The following GTF2E2 variants were observed in gnomAD, a reference collection of about 807,000 sequenced individuals.
GTF2E2 encodes transcription initiation factor IIE subunit beta.
GTF2E2 carries 21 observed loss-of-function variants against 40.5 expected under a neutral mutation model. The observed-to-expected ratio is 0.52, with a 90% CI of 0.37 to 0.75. The LOEUF (loss-of-function observed/expected upper bound fraction) is 0.75, where lower values mean the gene tolerates loss of function less well. Among genes scored for constraint, GTF2E2 ranks in the 30% least tolerant of loss-of-function variants. The probability of loss-of-function intolerance (pLI) is 0.00; values close to 1 mark genes in which losing one functional copy is unlikely to be tolerated. For synonymous variants in GTF2E2, 117 were observed against 121.6 expected, an observed-to-expected ratio of 0.96 and a Z score of 0.25; for missense variants, 298 against 338.4, an observed-to-expected ratio of 0.88 and a Z score of 0.94.
chr8:30,590,697 T>A (rs935139896), intron 6 of GTF2E2, among the ~76,000 whole-genome samples: 1 of 151,598 alleles, frequency 6.6e-6, no homozygotes, highest in Non-Finnish European at 1.5e-5. Flanking sequence ...TCAAAAACTT[T>A]TTTTTTTTTT....
At chr8:30,591,666 G>A (rs1041480757) in intron 6 of GTF2E2, among the ~76,000 whole-genome samples, 1 of 152,128 alleles carries the variant, frequency 6.6e-6, no homozygotes, top group Non-Finnish European at 1.5e-5. Flanking sequence ...ACCTTCCTAA[G>A]TTGCTGGTGA....
chr8:30,634,968 C>T, intron 3 of GTF2E2, 64 bp downstream of exon 3: 1 of 849,104 alleles, frequency 1.2e-6, no homozygotes. Flanking sequence ...CTTCTGAAAA[C>T]CCTAATCTCC....
chr8:30,621,092 T>C (rs1437352557), intron 3 of GTF2E2, among the ~76,000 whole-genome samples: 1 of 152,068 alleles, frequency 6.6e-6, no homozygotes, highest in African/African-American at 2.4e-5. Context: ...TTTTTCCATA[T>C]TCTCCATTAT....
chr8:30,622,862 T>C (rs1250840570), intron 3 of GTF2E2, among the ~76,000 whole-genome samples: 1 of 152,220 alleles, frequency 6.6e-6, no homozygotes, highest in African/African-American at 2.4e-5. Flanking sequence ...TTATCTCTCT[T>C]ATTCCCTGAA....
intron 2 of GTF2E2, among the ~76,000 whole-genome samples, chr8:30,640,172 T>C (rs1450470936): frequency 6.6e-6 from 1 of 152,186 alleles, no homozygotes; most frequent in Non-Finnish European, 1.5e-5. Context: ...GTTCCAGAGC[T>C]TAAATTAAGT....
intron 5 of GTF2E2, among the ~76,000 whole-genome samples, chr8:30,609,011 A>G (rs1829403970): frequency 6.6e-6 from 1 of 152,068 alleles, no homozygotes; most frequent in Non-Finnish European, 1.5e-5. Flanking sequence ...GGCCTCCCAA[A>G]GTGCTGGGAT....
chr8:30,614,799 A>C (rs1318026154), intron 3 of GTF2E2, 84 bp from the exon 4 acceptor site: 1 of 734,678 alleles, frequency 1.4e-6, no homozygotes, highest in Admixed American at 2.4e-5. Flanking sequence ...ACAAACCTTC[A>C]GGAATGAAAA....
rs546641149 is a variant in GTF2E2 at position 30,619,251 on chromosome 8, T to C, written c.259-4536A>G. Among the ~76,000 whole-genome samples, 10 of 152,292 alleles carry C rather than the reference T, an allele frequency of 6.6e-5. No individual in the cohort carries two copies. In the South Asian group the frequency reaches 2.1e-3, roughly 32 times the overall value. On this transcript the variant is annotated intron_variant, in intron 3 of 7. Transcript: ENST00000355904. ...CACCGTGCCCAGTCTACTTCAATAG[T>C]TTTACAGTACTTTGAGTGCTGTTTT...
intron 3 of GTF2E2, among the ~76,000 whole-genome samples, chr8:30,618,653 CA>C (rs1207477341): frequency 6.6e-6 from 1 of 152,052 alleles, no homozygotes; most frequent in African/African-American, 2.4e-5. Context: ...TACAAAAAGG[CA>C]AAATGTTTCA....
intron 6 of GTF2E2, among the ~76,000 whole-genome samples, chr8:30,590,077 C>A (rs563884297): frequency 6.6e-6 from 1 of 152,144 alleles, no homozygotes; most frequent in African/African-American, 2.4e-5. Context: ...GTTCCACAAC[C>A]GCAAATCACC....
At chr8:30,654,801 G>C (rs949154390) in intron 1 of GTF2E2, among the ~76,000 whole-genome samples, 2 of 152,174 alleles carry the variant, frequency 1.3e-5, no homozygotes, top group African/African-American at 4.8e-5. Context: ...CTACAGGGCA[G>C]AAATTAGAAG....
chr8:30,590,078 G>A (rs904557961), intron 6 of GTF2E2, among the ~76,000 whole-genome samples: 13 of 152,044 alleles, frequency 8.6e-5, no homozygotes, highest in Admixed American at 5.2e-4. Flanking sequence ...TTCCACAACC[G>A]CAAATCACCC....
chr8:30,615,020 G>A (rs1216562716), intron 3 of GTF2E2, among the ~76,000 whole-genome samples: 1 of 151,956 alleles, frequency 6.6e-6, no homozygotes, highest in African/African-American at 2.4e-5. Context: ...GCTCATGGCT[G>A]TAATCCCAGC....
intron 3 of GTF2E2, among the ~76,000 whole-genome samples, chr8:30,625,665 C>T (rs982119275): frequency 2.6e-5 from 4 of 152,148 alleles, no homozygotes; most frequent in Non-Finnish European, 4.4e-5. Context: ...GTGGCACGAT[C>T]TCGGCTCACT....
intron 2 of GTF2E2, 91 bp downstream of exon 2, chr8:30,653,342 G>T: frequency 1.1e-6 from 1 of 910,874 alleles, no homozygotes; most frequent in Non-Finnish European, 1.7e-6. Flanking sequence ...CAACATGAGT[G>T]CTGAACTGAA....
At chr8:30,612,216 T>C in intron 5 of GTF2E2, 83 bp downstream of exon 5, 2 of 904,890 alleles carry the variant, frequency 2.2e-6, no homozygotes. Context: ...TAAAAACAAT[T>C]GTAAAATGTT....
chr8:30,632,176 T>A (rs989210901), intron 3 of GTF2E2, among the ~76,000 whole-genome samples: 27 of 152,352 alleles, frequency 1.8e-4, no homozygotes, highest in African/African-American at 6.3e-4. Flanking sequence ...ATATTTTAAC[T>A]GATTTAATTT....
intron 3 of GTF2E2, among the ~76,000 whole-genome samples, chr8:30,619,547 C>T (rs1472374274): frequency 1.3e-5 from 2 of 151,718 alleles, no homozygotes; most frequent in Non-Finnish European, 2.9e-5. Context: ...CACCACAACA[C>T]CTGGCTAATT....
chr8:30,625,968 A>C (rs1415172605), intron 3 of GTF2E2, among the ~76,000 whole-genome samples: 1 of 152,194 alleles, frequency 6.6e-6, no homozygotes, highest in East Asian at 1.9e-4. Context: ...TATATGGCAC[A>C]AACAAAAGCA....
Sources: allele counts gnomAD v4.1 joint callset (sites outside exome capture counted in the v4.1 genomes callset), GRCh38; gene constraint gnomAD v4.1.1; transcripts MANE v1.5; gene names NCBI Gene and HGNC (gene_info 2026-07-23, HGNC 2026-07-21).